Variants in EPHA1 observed in about 807,000 individuals in gnomAD.
The protein encoded by EPHA1 is EPH receptor A1.
Under a neutral mutation model 110.1 loss-of-function variants are expected in EPHA1, and 92 were observed. That is an observed-to-expected ratio of 0.84 (90% confidence interval 0.71 to 0.99). The LOEUF (loss-of-function observed/expected upper bound fraction) is 0.99, where lower values mean the gene tolerates loss of function less well. Ranked by LOEUF, EPHA1 falls within the 50% of genes least tolerant of loss-of-function variation. The pLI is 0.00. For missense variants in EPHA1, 1,204 were observed against 1,285.4 expected, an observed-to-expected ratio of 0.94 and a Z score of 0.97; for synonymous variants, 500 against 516.1, an observed-to-expected ratio of 0.97 and a Z score of 0.42.
chr7:143,400,442 G>A (rs1057381177), intron 3 of EPHA1, among the ~76,000 whole-genome samples: 1 of 152,142 alleles, frequency 6.6e-6, no homozygotes, highest in Admixed American at 6.5e-5. Flanking sequence ...AGAGCATATC[G>A]TTATCAATTT....
intron 2 of EPHA1, among the ~76,000 whole-genome samples, chr7:143,403,519 C>G (rs1805474941): frequency 6.6e-6 from 1 of 151,868 alleles, no homozygotes; most frequent in Non-Finnish European, 1.5e-5. Flanking sequence ...TAGACAGCTT[C>G]TAGTTTTTTT....
chr7:143,398,678 T>A lies in EPHA1; in HGVS notation c.1259A>T (p.Glu420Val). 1 of 1,614,088 alleles carries A rather than the reference T, an allele frequency of 6.2e-7. No homozygotes were observed. Among genetic ancestry groups the A allele is most frequent in the Non-Finnish European group, 8.5e-7 (1 of 1,179,994 alleles). The part of the protein sequence containing the change: ...EPYANYTFNV[E>V]AQNGVSGLGS... ...CAGCCCTGACACTCCATTTTGGGCT[T>A]CCACATTAAAGGTGTAGTTGGCATA... The change falls in exon 6 of 18, where the codon GAA becomes GTA. Residue 420 changes from glutamate (E) to valine (V), a missense_variant. Physicochemically the swap from Glu to Val is moderately radical, Grantham distance 121 (BLOSUM62 -2). Coordinates refer to ENST00000275815, the MANE Select transcript of EPHA1 (RefSeq NM_005232.5).
chr7:143,394,977 G>A lies in EPHA1; in HGVS notation c.2183C>T (p.Ala728Val). 2 of 1,614,088 alleles carry A rather than the reference G, an allele frequency of 1.2e-6. No homozygotes were observed. Among genetic ancestry groups the A allele is most frequent in the Middle Eastern group, 1.6e-4 (1 of 6,062 alleles). The part of the protein sequence containing the change: ...EDQLVPGQLV[A>V]MLQGIASGMN... ...GCCAGATGCTATGCCCTGCAGCATG[G>A]CCACTAGCTGCCCAGGGACCAGCTG... is the stretch of plus-strand genomic sequence containing the variant. The change falls in exon 14 of 18, where the codon GCC becomes GTC. Residue 728 changes from alanine to valine, a missense_variant. Transcript: ENST00000275815.
At chr7:143,392,620 G>T (rs1396238524) in intron 16 of EPHA1, among the ~76,000 whole-genome samples, 1 of 150,140 alleles carries the variant, frequency 6.7e-6, no homozygotes, top group Non-Finnish European at 1.5e-5. Flanking sequence ...CTCTGACCAT[G>T]TCCCCCCATC....
chr7:143,392,954 A>C (rs534770643), intron 16 of EPHA1, among the ~76,000 whole-genome samples: 2 of 152,188 alleles, frequency 1.3e-5, no homozygotes, highest in African/African-American at 4.8e-5. Context: ...GGTGGAAAAA[A>C]AAACAACAAC....
Position 143,394,874 on chromosome 7 carries a change from G to A in EPHA1, c.2286C>T (p.Cys762=). Reference sequence around the variant, plus strand: ...TCAGGCCAAAGTCAGACACCTTGCAGCACAGGTTTTGATTCACCAAGATGT... The same window carrying A: ...TCAGGCCAAAGTCAGACACCTTGCAACACAGGTTTTGATTCACCAAGATGT... ...ARNILVNQNL[C]CKVSDFGLTR... is the part of the protein sequence containing the mutation. Residue 762 remains cysteine, a synonymous_variant, in exon 14 of 18, where the codon TGC becomes TGT. Transcript: ENST00000275815. 6.2e-7 allele frequency: 1 copy of A among 1,614,172 alleles called. No individual in the cohort carries two copies. The highest frequency in any genetic ancestry group is 8.5e-7 in the Non-Finnish European group (1 of 1,180,038).
Position 143,393,870 on chromosome 7 carries a change from C to T in EPHA1, c.2503-6G>A, listed in dbSNP as rs763711453. ...TCCTCAATGCTCTTCATAACCTGCACGGCGGGACAGGAGGATGCTCTAGAG... is the reference window on the plus strand; with the variant it reads ...TCCTCAATGCTCTTCATAACCTGCATGGCGGGACAGGAGGATGCTCTAGAG... On this transcript the variant is annotated splice_polypyrimidine_tract_variant and splice_region_variant and intron_variant, in intron 15 of 17. Transcript: ENST00000275815. This position sits in a 1 kb window ranked among gnomAD's most constrained non-coding sequence, Gnocchi z 5.6. 11 of 1,539,674 alleles carry T rather than the reference C, an allele frequency of 7.1e-6. No individual in the cohort carries two copies. Among genetic ancestry groups the T allele is most frequent in the African/African-American group, 1.4e-5 (1 of 72,772 alleles).
At position 143,398,402 on chromosome 7, in the gene EPHA1, C is replaced by T; in HGVS notation, c.1383G>A (p.Arg461=). Residue 461 remains arginine (R), a synonymous_variant, in exon 7 of 18, where the codon AGG becomes AGA. Coordinates refer to ENST00000275815, the MANE Select transcript of EPHA1 (RefSeq NM_005232.5). ...LSLRLVKKEP[R]QLELTWAGSR... Reference sequence around the variant, plus strand: ...ACCCCGCCCAGGTCAGCTCTAGTTGCCTCGGTTCTTTCTTCACCAGTCTCA... The same window carrying T: ...ACCCCGCCCAGGTCAGCTCTAGTTGTCTCGGTTCTTTCTTCACCAGTCTCA... 1 of 1,614,176 alleles carries T rather than the reference C, an allele frequency of 6.2e-7. No homozygotes were observed.
chr7:143,399,445 T>C (rs1187054221), intron 4 of EPHA1, 32 bp from the exon 5 acceptor site: 1 of 1,551,478 alleles, frequency 6.4e-7, no homozygotes, highest in Non-Finnish European at 8.7e-7. Flanking sequence ...GCAGTGGTTC[T>C]GTAAATGTTT....
chr7:143,398,385 C>T lies in EPHA1; in HGVS notation c.1400G>A (p.Trp467Ter). 6.2e-7 allele frequency: 1 copy of T among 1,614,154 alleles called. No homozygotes were observed. The change falls in exon 7 of 18, where the codon TGG (tryptophan) becomes TAG (stop). Residue 467 changes from tryptophan (W) to a stop codon, truncating the protein, a stop_gained. Coordinates refer to ENST00000275815, the MANE Select transcript of EPHA1 (RefSeq NM_005232.5). LOFTEE classifies it high-confidence loss of function. ...AGGGCTTCGGGGCCGGGACCCCGCC[C>T]AGGTCAGCTCTAGTTGCCTCGGTTC... ...KKEPRQLELT[W>*]AGSRPRSPGA...
chr7:143,399,727 G>T lies in EPHA1; in HGVS notation c.759C>A (p.Gly253=). The change falls in exon 4 of 18, where the codon GGC becomes GGA. Residue 253 remains glycine, a synonymous_variant. Transcript: ENST00000275815. Reference sequence around the variant, plus strand: ...ACCGTCCTACAGGCACCAGCCACTCGCCATCAGGGCTGCAGTGCATGCGGG... The same window carrying T: ...ACCGTCCTACAGGCACCAGCCACTCTCCATCAGGGCTGCAGTGCATGCGGG... ...GAPRMHCSPD[G]EWLVPVGRCH... The T allele has an allele frequency of 6.2e-7, 1 of 1,613,854 alleles. No individual in the cohort carries two copies. The highest frequency in any genetic ancestry group is 8.5e-7 in the Non-Finnish European group (1 of 1,180,024).
chr7:143,396,317 G>A, intron 11 of EPHA1, 68 bp downstream of exon 11: 1 of 1,558,632 alleles, frequency 6.4e-7, no homozygotes, highest in Non-Finnish European at 8.7e-7. Context: ...TGGAAGGAAG[G>A]GGCCTGCTGG....
intron 10 of EPHA1, 145 bp from the exon 11 acceptor site, chr7:143,396,655 A>G: frequency 1.0e-6 from 1 of 976,358 alleles, no homozygotes; most frequent in Non-Finnish European, 1.5e-6. Flanking sequence ...GGTGGGAGAA[A>G]GTCTCCATTT....
At chr7:143,405,379 G>C (rs557941432) in intron 2 of EPHA1, among the ~76,000 whole-genome samples, 1 of 152,146 alleles carries the variant, frequency 6.6e-6, no homozygotes. Context: ...TCACTCAGGC[G>C]CTGCTGGCTG....
Position 143,398,856 on chromosome 7 carries a change from G to A in EPHA1, c.1081C>T (p.Arg361Cys), listed in dbSNP as rs200253721. 84 of 1,613,356 alleles carry A rather than the reference G, an allele frequency of 5.2e-5. No homozygotes were observed. The highest frequency in any genetic ancestry group is 1.7e-4 in the Middle Eastern group (1 of 6,056). The change falls in exon 6 of 18, where the codon CGC becomes TGC. Residue 361 changes from arginine (R) to cysteine (C), a missense_variant. By Grantham distance (180) the Arg-to-Cys change is radical. Coordinates refer to ENST00000275815, the MANE Select transcript of EPHA1 (RefSeq NM_005232.5). Reference protein sequence around the residue: ...RWEPPADTGGRQDVRYSVRCS... With the variant: ...RWEPPADTGGCQDVRYSVRCS... ...CTCACACTGTATCTGACATCCTGGC[G>A]TCCCCCCGTATCTGCTGGGGGTTCC...
rs748854340 is a variant in EPHA1 at position 143,399,769 on chromosome 7, G to A, written c.717C>T (p.Pro239=). The stretch of plus-strand genomic sequence containing the variant: ...GCATGCGGGGTGCACCTGAGGGCCT[G>A]GGGCTGGCCCGCGCGTGGGGCAAGC... ...GTCLPHARAS[P]RPSGAPRMHC... The change falls in exon 4 of 18, where the codon CCC becomes CCT. Residue 239 remains proline, a synonymous_variant. Coordinates refer to ENST00000275815, the MANE Select transcript of EPHA1 (RefSeq NM_005232.5). The A allele has an allele frequency of 6.2e-7, 1 of 1,613,148 alleles. No homozygotes were observed. Among genetic ancestry groups the A allele is most frequent in the Non-Finnish European group, 8.5e-7 (1 of 1,179,754 alleles).
At chr7:143,407,757 C>T (rs1805595523) in intron 1 of EPHA1, 79 bp from the exon 2 acceptor site, 4 of 1,307,056 alleles carry the variant, frequency 3.1e-6, no homozygotes, top group Non-Finnish European at 4.3e-6. Context: ...ATTCTGGGGC[C>T]TCAGCCCCAG....
At position 143,395,907 on chromosome 7, in the gene EPHA1, T is replaced by G. The variant is rs750109554; in HGVS notation, c.1898-403A>C. Among the ~76,000 whole-genome samples the G allele has an allele frequency of 6.6e-6, 1 of 152,262 alleles. No homozygotes were observed. The highest frequency in any genetic ancestry group is 2.4e-5 in the African/African-American group (1 of 41,478). On this transcript the variant is annotated intron_variant, in intron 11 of 17. Coordinates refer to ENST00000275815, the MANE Select transcript of EPHA1 (RefSeq NM_005232.5). This position sits in a 1 kb window ranked among gnomAD's most constrained non-coding sequence, Gnocchi z 4.7. ...CTGGTCCCAGCTTGCCTGGCTCAGCTGCACAATTGGCAAGGACACCACCAA... is the reference window on the plus strand; with the variant it reads ...CTGGTCCCAGCTTGCCTGGCTCAGCGGCACAATTGGCAAGGACACCACCAA...
At chr7:143,400,124 T>C (rs765211396) in intron 3 of EPHA1, 71 bp from the exon 4 acceptor site, 211 of 1,495,632 alleles carry the variant, frequency 1.4e-4, no homozygotes, top group Non-Finnish European at 1.8e-4. Context: ...ACAGAAACAA[T>C]CGTTTGCTTA....
Sources: allele counts gnomAD v4.1 joint callset (sites outside exome capture counted in the v4.1 genomes callset), GRCh38; gene constraint gnomAD v4.1.1; non-coding constraint Gnocchi (gnomAD v3.1); transcripts MANE v1.5; gene names NCBI Gene and HGNC (gene_info 2026-07-23, HGNC 2026-07-21).